RAB38: variants seen among roughly 807,000 people sequenced by gnomAD.
RAB38 encodes ras-related protein Rab-38.
Under a neutral mutation model 18.4 loss-of-function variants are expected in RAB38, and 15 were observed. That is an observed-to-expected ratio of 0.82 (90% confidence interval 0.55 to 1.26). The LOEUF (loss-of-function observed/expected upper bound fraction) is 1.26, where lower values mean the gene tolerates loss of function less well. Among genes scored for constraint, RAB38 ranks in the 50% most tolerant of loss-of-function variants. The probability of loss-of-function intolerance (pLI) is 0.00; values close to 1 mark genes in which losing one functional copy is unlikely to be tolerated. For missense variants in RAB38, 294 were observed against 267.4 expected, an observed-to-expected ratio of 1.10 and a Z score of -0.69; for synonymous variants, 101 against 104.4, an observed-to-expected ratio of 0.97 and a Z score of 0.20.
At chr11:87,808,741 CTG>C in the RAB38 span, among the ~76,000 whole-genome samples, 3 of 152,004 alleles carry the variant, frequency 2.0e-5, no homozygotes, top group South Asian at 2.1e-4. Flanking sequence ...TTTCAGTAAA[CTG>C]TATATTTCAA....
the RAB38 span, among the ~76,000 whole-genome samples, chr11:87,962,734 T>C: frequency 6.6e-6 from 1 of 152,200 alleles, no homozygotes; most frequent in African/African-American, 2.4e-5. Context: ...AGGAAATAAA[T>C]GTTTTGAGAT....
chr11:87,850,868 T>C, the RAB38 span, among the ~76,000 whole-genome samples: 2 of 152,190 alleles, frequency 1.3e-5, no homozygotes, highest in South Asian at 2.1e-4. Context: ...TTAACTCACT[T>C]ACTTAGCAGA....
chr11:87,954,427 T>C, the RAB38 span, among the ~76,000 whole-genome samples: 4 of 152,180 alleles, frequency 2.6e-5, no homozygotes, highest in Non-Finnish European at 5.9e-5. Context: ...GGTGACTAAT[T>C]GGTCTTCAGG....
intron 2 of RAB38, among the ~76,000 whole-genome samples, chr11:88,140,567 T>C (rs1053950542): frequency 6.6e-6 from 1 of 152,048 alleles, no homozygotes; most frequent in Non-Finnish European, 1.5e-5. Context: ...CATCTTAACA[T>C]AGCATGGTAA....
the RAB38 span, chr11:88,098,249 C>A: frequency 6.6e-6 from 1 of 151,940 alleles, no homozygotes; most frequent in South Asian, 2.1e-4. Context: ...GGTGGGACAG[C>A]GTACCAGAAA....
At chr11:88,014,947 C>A in the RAB38 span, among the ~76,000 whole-genome samples, 3 of 152,066 alleles carry the variant, frequency 2.0e-5, no homozygotes, top group Non-Finnish European at 4.4e-5. Context: ...TGTGGAGACA[C>A]AACATCCAGG....
the RAB38 span, among the ~76,000 whole-genome samples, chr11:88,071,308 C>T: frequency 3.3e-5 from 5 of 151,842 alleles, no homozygotes; most frequent in South Asian, 4.2e-4. Flanking sequence ...TGGGAAGGAA[C>T]AGAAACAAAA....
At chr11:88,029,693 A>T in the RAB38 span, among the ~76,000 whole-genome samples, 1 of 152,244 alleles carries the variant, frequency 6.6e-6, no homozygotes, top group South Asian at 2.1e-4. Context: ...TCCTAAATAT[A>T]TATGCACCCA....
the RAB38 span, among the ~76,000 whole-genome samples, chr11:87,851,967 G>A: frequency 3.9e-5 from 6 of 152,042 alleles, no homozygotes; most frequent in African/African-American, 9.7e-5. Context: ...AGGAAATGAA[G>A]ACCTAAAGAA....
At chr11:88,121,559 C>T (rs1942628833) in intron 2 of RAB38, among the ~76,000 whole-genome samples, 1 of 152,118 alleles carries the variant, frequency 6.6e-6, no homozygotes, top group Non-Finnish European at 1.5e-5. Context: ...AGAGCCCCTG[C>T]TGCTCTTTTT....
the RAB38 span, among the ~76,000 whole-genome samples, chr11:88,005,294 G>T: frequency 6.6e-6 from 1 of 151,262 alleles, no homozygotes; most frequent in African/African-American, 2.4e-5. Flanking sequence ...ATACAGATTA[G>T]TTGTAAGAAA....
chr11:87,865,439 CA>C, the RAB38 span, among the ~76,000 whole-genome samples: 1 of 151,644 alleles, frequency 6.6e-6, no homozygotes, highest in African/African-American at 2.4e-5. Context: ...GAAGTGGTCA[CA>C]ATCAAAGAAT....
At chr11:88,063,226 A>G in the RAB38 span, among the ~76,000 whole-genome samples, 2 of 152,278 alleles carry the variant, frequency 1.3e-5, no homozygotes, top group African/African-American at 4.8e-5. Flanking sequence ...AACCTAATAT[A>G]TCAGGATCAC....
the RAB38 span, among the ~76,000 whole-genome samples, chr11:87,881,724 T>C: frequency 3.3e-5 from 5 of 150,692 alleles, no homozygotes; most frequent in African/African-American, 4.9e-5. Context: ...TATTTTTTTT[T>C]CCTCAGGTTT....
At chr11:87,880,012 T>G in the RAB38 span, 1 of 151,730 alleles carries the variant, frequency 6.6e-6, no homozygotes, top group African/African-American at 2.4e-5. Flanking sequence ...AGACTGAGAA[T>G]AGTGGTACAT....
At chr11:87,939,908 A>C in the RAB38 span, among the ~76,000 whole-genome samples, 1 of 152,066 alleles carries the variant, frequency 6.6e-6, no homozygotes, top group East Asian at 1.9e-4. Context: ...ATCTCAAAAA[A>C]TCAAAGTTGT....
the RAB38 span, among the ~76,000 whole-genome samples, chr11:87,886,308 ATG>A: frequency 6.8e-6 from 1 of 148,108 alleles, no homozygotes; most frequent in Non-Finnish European, 1.5e-5. Context: ...AAAACGGACT[ATG>A]TTGTGAGTGT....
the RAB38 span, among the ~76,000 whole-genome samples, chr11:88,028,370 C>T: frequency 6.6e-6 from 1 of 152,190 alleles, no homozygotes; most frequent in African/African-American, 2.4e-5. Context: ...CGGAACAAAG[C>T]TGGAAAGAGA....
the RAB38 span, among the ~76,000 whole-genome samples, chr11:88,064,101 T>A: frequency 6.6e-6 from 1 of 152,176 alleles, no homozygotes; most frequent in African/African-American, 2.4e-5. Context: ...GAGGAAACTG[T>A]CATCAATGGA....
Sources: gnomAD v4.1 joint callset for allele counts (sites outside exome capture counted in the v4.1 genomes callset) on GRCh38, gnomAD v4.1.1 for gene constraint, MANE v1.5 for transcripts, NCBI Gene and HGNC (gene_info 2026-07-23, HGNC 2026-07-21) for gene names.